The following NUMBL variants were observed in gnomAD, a reference collection of about 807,000 sequenced individuals.
The protein encoded by NUMBL is NUMB like endocytic adaptor protein, also known as numb-like protein.
NUMBL carries 20 observed loss-of-function variants against 48.9 expected under a neutral mutation model. That is an observed-to-expected ratio of 0.41 (90% confidence interval 0.29 to 0.59). The LOEUF is 0.59. Ranked by LOEUF, NUMBL falls within the 20% of genes least tolerant of loss-of-function variation. The pLI, the probability that NUMBL is intolerant of heterozygous loss-of-function variation, is 0.31. For synonymous variants in NUMBL, 340 were observed against 348.7 expected, an observed-to-expected ratio of 0.98 and a Z score of 0.28; for missense variants, 660 against 846.2, an observed-to-expected ratio of 0.78 and a Z score of 2.73.
rs1278198703 is a variant in NUMBL at position 40,682,401 on chromosome 19, AG to A, written c.399+326del. Among the ~76,000 whole-genome samples, 4 of 152,324 alleles carry A rather than the reference AG, an allele frequency of 2.6e-5. No homozygotes were observed. In the East Asian group the frequency reaches 7.7e-4, roughly 29 times the overall value. On this transcript the variant is annotated intron_variant, in intron 5 of 9. Transcript: ENST00000252891. The surrounding 1 kb of genome is among the most constrained non-coding windows in gnomAD (Gnocchi z 4.0). ...TGGCCTCCCAAAGTACTGGGATTAC[AG>A]GCGTGAGCCACCACTCCCGGCCTAT... is the stretch of plus-strand genomic sequence containing the variant.
At chr19:40,671,071 G>A (rs934287549) in intron 8 of NUMBL, among the ~76,000 whole-genome samples, 3 of 152,088 alleles carry the variant, frequency 2.0e-5, no homozygotes, top group Non-Finnish European at 2.9e-5. Flanking sequence ...CCGCCTCCCA[G>A]GCTCAAGCAA....
intron 3 of NUMBL, chr19:40,684,183 C>A: frequency 4.2e-6 from 2 of 474,290 alleles, no homozygotes; most frequent in South Asian, 4.5e-5. Context: ...ATTCTCCTGT[C>A]TCAGCCTCCC....
At position 40,690,636 on chromosome 19, in the gene NUMBL, G is replaced by A. The variant is rs533174423; in HGVS notation, c.-153C>T. On this transcript the variant is annotated 5_prime_UTR_variant, in exon 1 of 10. Coordinates refer to ENST00000252891, the MANE Select transcript of NUMBL (RefSeq NM_004756.5). ...GGGATGCACGCGCGCGAGCCTCCTC[G>A]GCTCCCGGGAGGATTCCGTTCCGGG... The A allele has an allele frequency of 5.2e-6, 2 of 384,152 alleles. No individual in the cohort carries two copies. The highest frequency in any genetic ancestry group is 4.2e-5 in the East Asian group (1 of 23,752). 23.8% of individuals were successfully genotyped at this position (384,152 alleles called of 1,614,324 possible). A position where few individuals can be genotyped will look rare whatever the true frequency, so the allele number is the denominator to read the frequency against.
At chr19:40,683,039 G>A in intron 3 of NUMBL, 71 bp from the exon 4 acceptor site, 1 of 1,317,680 alleles carries the variant, frequency 7.6e-7, no homozygotes. Context: ...TGTCCACTGA[G>A]CATCTGCCAT....
At chr19:40,676,015 C>G (rs2081874327) in intron 7 of NUMBL, among the ~76,000 whole-genome samples, 1 of 152,052 alleles carries the variant, frequency 6.6e-6, no homozygotes, top group Non-Finnish European at 1.5e-5. Flanking sequence ...ACAGGTTGCA[C>G]CACCACGCCT....
intron 7 of NUMBL, among the ~76,000 whole-genome samples, chr19:40,675,944 C>A (rs185681825): frequency 7.2e-4 from 110 of 152,060 alleles, no homozygotes; most frequent in African/African-American, 2.4e-3. Flanking sequence ...CAGCTCTCTG[C>A]AGCCTCTACC....
At position 40,670,023 on chromosome 19, in the gene NUMBL, G is replaced by A. The variant is rs574887269; in HGVS notation, c.1037-3C>T. 1.5e-4 allele frequency: 248 copies of A among 1,613,382 alleles called. No homozygotes were observed. The South Asian group carries it at 2.5e-3, about 16-fold the overall frequency. ...ACCAGGAGGCTCCATCTCAGGCACT[G>A]GGAAGCAGGGCAGGACAGAGGTCAG... is the stretch of plus-strand genomic sequence containing the variant. On this transcript the variant is annotated splice_polypyrimidine_tract_variant and splice_region_variant and intron_variant, in intron 8 of 9. Transcript: ENST00000252891.
At position 40,667,271 on chromosome 19, in the gene NUMBL, G is replaced by C; in HGVS notation, c.*197C>G. On this transcript the variant is annotated 3_prime_UTR_variant, in exon 10 of 10. Coordinates refer to ENST00000252891, the MANE Select transcript of NUMBL (RefSeq NM_004756.5). The surrounding 1 kb of genome is among the most constrained non-coding windows in gnomAD (Gnocchi z 6.1). ...TGGTTCCCTTAGCCAGGCTGGGTCCGTCCCTGAATTCCATCCTGTTGCAAC... is the reference window on the plus strand; with the variant it reads ...TGGTTCCCTTAGCCAGGCTGGGTCCCTCCCTGAATTCCATCCTGTTGCAAC... 1.3e-6 allele frequency: 1 copy of C among 754,830 alleles called. No individual in the cohort carries two copies. Among genetic ancestry groups the C allele is most frequent in the South Asian group, 1.9e-5 (1 of 53,076 alleles). The allele number at this position is 754,830 out of a possible 1,614,324, so 46.8% of individuals were successfully genotyped here.
intron 2 of NUMBL, chr19:40,684,763 C>T (rs902934231): frequency 8.5e-5 from 53 of 621,614 alleles, no homozygotes; most frequent in African/African-American, 2.4e-4. Flanking sequence ...CAGGGGAGTG[C>T]GAAAGTTGGG....
chr19:40,689,794 C>T (rs1184756806), intron 1 of NUMBL, among the ~76,000 whole-genome samples: 1 of 151,988 alleles, frequency 6.6e-6, no homozygotes, highest in Non-Finnish European at 1.5e-5. Flanking sequence ...ATGACCAAGC[C>T]AGGGGGTGGA....
chr19:40,683,427 GTT>G (rs1433957633), intron 3 of NUMBL, among the ~76,000 whole-genome samples: 1 of 152,216 alleles, frequency 6.6e-6, no homozygotes, highest in Non-Finnish European at 1.5e-5. Context: ...GGAAAGCTCA[GTT>G]GCACACTGCT....
rs944755951 is a variant in NUMBL, at chr19:40,673,264, C to T, written c.1036+80G>A. On this transcript the variant is annotated intron_variant, in intron 8 of 9. Transcript: ENST00000252891. This position sits in a 1 kb window ranked among gnomAD's most constrained non-coding sequence, Gnocchi z 5.9. ...CAGTGCAAATCAATCACAGTGTGAACCATCTCGCCTCCATCCCTTGCCCAC... is the reference window on the plus strand; with the variant it reads ...CAGTGCAAATCAATCACAGTGTGAATCATCTCGCCTCCATCCCTTGCCCAC... 1.5e-6 allele frequency: 2 copies of T among 1,377,352 alleles called. No homozygotes were observed. The highest frequency in any genetic ancestry group is 2.0e-6 in the Non-Finnish European group (2 of 1,022,634). 85.3% of individuals were successfully genotyped at this position (1,377,352 alleles called of 1,614,324 possible). A position where few individuals can be genotyped will look rare whatever the true frequency, so the allele number is the denominator to read the frequency against.
At chr19:40,686,643 G>A (rs939118363) in intron 2 of NUMBL, among the ~76,000 whole-genome samples, 5 of 152,088 alleles carry the variant, frequency 3.3e-5, no homozygotes, top group African/African-American at 9.7e-5. Context: ...AAGTGTGTGT[G>A]ATCTGAAAGA....
At position 40,679,956 on chromosome 19, in the gene NUMBL, T is replaced by C. The variant is rs376803925; in HGVS notation, c.540+961A>G. 1.6e-4 allele frequency among the ~76,000 whole-genome samples: 25 copies of C among 152,216 alleles called. No homozygotes were observed. The East Asian group carries it at 3.3e-3, about 20-fold the overall frequency. On this transcript the variant is annotated intron_variant, in intron 6 of 9. Transcript: ENST00000252891. ...CATTGAATTGTACACTTTTAAATGA[T>C]TAATTTTATGTGAATTTCACCTCAA...
intron 6 of NUMBL, among the ~76,000 whole-genome samples, chr19:40,680,586 C>T (rs7508466): frequency 0.16 from 24,038 of 151,946 alleles, 2,208 homozygotes; most frequent in African/African-American, 0.24. Flanking sequence ...GTAGCTGGGA[C>T]TACAGGTGTG....
intron 1 of NUMBL, chr19:40,690,228 C>A (rs1323145506): frequency 8.2e-6 from 3 of 364,636 alleles, no homozygotes; most frequent in Non-Finnish European, 1.5e-5. Flanking sequence ...GGGTCTGTGT[C>A]CAGGATCCCT....
intron 2 of NUMBL, 119 bp from the exon 3 acceptor site, chr19:40,684,675 G>C: frequency 7.3e-7 from 1 of 1,369,144 alleles, no homozygotes; most frequent in Non-Finnish European, 9.7e-7. Flanking sequence ...TGGAAGCGGG[G>C]TTACAGGGTC....
In NUMBL at chr19:40,678,643, G is replaced by C. The variant is rs560204086; in HGVS notation, c.541-1222C>G. Among the ~76,000 whole-genome samples the C allele has an allele frequency of 1.3e-4, 20 of 152,086 alleles. No individual in the cohort carries two copies. In the East Asian group the frequency reaches 3.5e-3, roughly 26 times the overall value. ...CTAGAACTGCGGCAAACAAATGTTT[G>C]TCATTTAAGCCACACAGTCTACACT... On this transcript the variant is annotated intron_variant, in intron 6 of 9. Coordinates refer to ENST00000252891, the MANE Select transcript of NUMBL (RefSeq NM_004756.5).
rs1171870426 is a variant in NUMBL, at chr19:40,687,384, C to T, written c.25-389G>A. On this transcript the variant is annotated intron_variant, in intron 1 of 9. Coordinates refer to ENST00000252891, the MANE Select transcript of NUMBL (RefSeq NM_004756.5). This position sits in a 1 kb window ranked among gnomAD's most constrained non-coding sequence, Gnocchi z 4.6. ...ACACATAGACGCAATCACAGCTACA[C>T]ACCTCAGATCGCAGATACACAGAAA... 6.6e-6 allele frequency among the ~76,000 whole-genome samples: 1 copy of T among 152,216 alleles called. No individual in the cohort carries two copies. Among genetic ancestry groups the T allele is most frequent in the Non-Finnish European group, 1.5e-5 (1 of 68,036 alleles).
Sources: gnomAD v4.1 joint callset for allele counts (sites outside exome capture counted in the v4.1 genomes callset) on GRCh38, gnomAD v4.1.1 for gene constraint, Gnocchi (gnomAD v3.1) non-coding constraint, MANE v1.5 for transcripts, NCBI Gene and HGNC (gene_info 2026-07-23, HGNC 2026-07-21) for gene names.